The following CDH13 variants were observed in gnomAD, a reference collection of about 807,000 sequenced individuals.
CDH13 encodes cadherin 13.
Under a neutral mutation model 63.8 loss-of-function variants are expected in CDH13, and 24 were observed. The ratio of observed to expected loss-of-function variants is 0.38; its 90% CI spans 0.27 to 0.53. The LOEUF (loss-of-function observed/expected upper bound fraction) is 0.53. CDH13 is among the 20% of genes least tolerant of loss of function. The pLI, the probability that CDH13 is intolerant of heterozygous loss-of-function variation, is 0.85. For synonymous variants in CDH13, 503 were observed against 355.3 expected (o/e 1.42, Z -4.67); for missense variants, 1,049 against 903.1 (o/e 1.16, Z -2.07).
At chr16:83,264,027 T>C (rs1052964148) in intron 5 of CDH13, among the ~76,000 whole-genome samples, 2 of 152,260 alleles carry the variant, frequency 1.3e-5, no homozygotes, top group Non-Finnish European at 2.9e-5. Context: ...CAACCTATTG[T>C]GGCTCTACAT....
chr16:83,493,237 A>G (rs2074059616), intron 7 of CDH13, among the ~76,000 whole-genome samples: 1 of 152,228 alleles, frequency 6.6e-6, no homozygotes, highest in South Asian at 2.1e-4. Context: ...GAGACTGAAG[A>G]AGCAGAAAGA....
intron 6 of CDH13, among the ~76,000 whole-genome samples, chr16:83,483,700 C>T (rs534686048): frequency 6.6e-6 from 1 of 152,138 alleles, no homozygotes; most frequent in East Asian, 1.9e-4. Flanking sequence ...ATGTCTTTGG[C>T]CACATGGAGC....
At chr16:83,589,233 A>G (rs1358900328) in intron 7 of CDH13, among the ~76,000 whole-genome samples, 3 of 98,774 alleles carry the variant, frequency 3.0e-5, no homozygotes, top group African/African-American at 1.1e-4. Context: ...CTGTCTCCCC[A>G]TCCCCCTCCC....
At chr16:83,329,843 A>G (rs1361187065) in intron 5 of CDH13, among the ~76,000 whole-genome samples, 1 of 152,240 alleles carries the variant, frequency 6.6e-6, no homozygotes, top group African/African-American at 2.4e-5. Context: ...ATATTGTAGC[A>G]TGTATCCAAA....
chr16:82,923,712 C>A (rs921351060), intron 2 of CDH13, among the ~76,000 whole-genome samples: 1 of 152,340 alleles, frequency 6.6e-6, no homozygotes, highest in East Asian at 1.9e-4. Context: ...ACAGCTGATA[C>A]ATGCAGTGAA....
At chr16:82,909,748 CAT>C (rs1490354829) in intron 2 of CDH13, among the ~76,000 whole-genome samples, 1 of 152,102 alleles carries the variant, frequency 6.6e-6, no homozygotes, top group Non-Finnish European at 1.5e-5. Flanking sequence ...TCCCACAACA[CAT>C]GAGAATTATG....
chr16:83,013,805 C>G (rs753619190), intron 2 of CDH13, among the ~76,000 whole-genome samples: 21 of 152,114 alleles, frequency 1.4e-4, no homozygotes, highest in Non-Finnish European at 3.1e-4. Flanking sequence ...ATGGCCCGGT[C>G]TCTGCAAGAA....
chr16:83,102,784 G>A lies in CDH13; in HGVS notation c.367-22601G>A, dbSNP rs548811092. Among the ~76,000 whole-genome samples the A allele has an allele frequency of 2.0e-5, 3 of 152,092 alleles. No individual in the cohort carries two copies. In the South Asian group the frequency reaches 6.2e-4, roughly 32 times the overall value. On this transcript the variant is annotated intron_variant, in intron 3 of 13. Coordinates refer to ENST00000567109, the MANE Select transcript of CDH13 (RefSeq NM_001257.5). ...GTGGGAATTGGATAAGGGTAAGAGGGTAAGAAATAGTTATATTGTGAATGT... is the reference window on the plus strand; with the variant it reads ...GTGGGAATTGGATAAGGGTAAGAGGATAAGAAATAGTTATATTGTGAATGT...
rs1393596308 is a variant in CDH13, at chr16:83,759,665, C to A, written c.1681+11415C>A. 2.0e-5 allele frequency among the ~76,000 whole-genome samples: 3 copies of A among 151,986 alleles called. No homozygotes were observed. The East Asian group carries it at 5.8e-4, about 29-fold the overall frequency. ...TGCAGGCCTGGTACAGTGGCTCATG[C>A]CCTATAATCCCAGCACCTTGGGAAG... On this transcript the variant is annotated intron_variant, in intron 11 of 13. Transcript: ENST00000567109.
At chr16:82,715,475 G>A (rs759902281) in intron 1 of CDH13, among the ~76,000 whole-genome samples, 13 of 152,154 alleles carry the variant, frequency 8.5e-5, no homozygotes, top group African/African-American at 2.4e-5. Context: ...TACGTGCGAT[G>A]CTGCCTAAGA....
chr16:82,841,817 C>T (rs932681506), intron 1 of CDH13, among the ~76,000 whole-genome samples: 13 of 151,926 alleles, frequency 8.6e-5, no homozygotes, highest in Non-Finnish European at 1.8e-4. Flanking sequence ...ACTGGAATAC[C>T]TACTGTGCTG....
chr16:82,674,944 C>T (rs547585867), intron 1 of CDH13, among the ~76,000 whole-genome samples: 1 of 152,256 alleles, frequency 6.6e-6, no homozygotes, highest in East Asian at 1.9e-4. Context: ...TATCAAAAAG[C>T]TATAATCTGT....
intron 2 of CDH13, among the ~76,000 whole-genome samples, chr16:83,011,386 A>G (rs1914137064): frequency 6.6e-6 from 1 of 152,222 alleles, no homozygotes; most frequent in Admixed American, 6.5e-5. Context: ...CCTCATGAGC[A>G]CATTCAATCC....
At chr16:82,681,240 C>A (rs1242111533) in intron 1 of CDH13, among the ~76,000 whole-genome samples, 1 of 152,184 alleles carries the variant, frequency 6.6e-6, no homozygotes, top group Admixed American at 6.5e-5. Context: ...AAACCTGATG[C>A]CGGTGGCAAC....
At chr16:83,742,894 T>C (rs1296617287) in intron 10 of CDH13, among the ~76,000 whole-genome samples, 2 of 152,166 alleles carry the variant, frequency 1.3e-5, no homozygotes, top group Non-Finnish European at 1.5e-5. Flanking sequence ...AGGTCTCCCA[T>C]GGGAGGAGGC....
At chr16:83,649,832 C>T (rs1309696552) in intron 8 of CDH13, among the ~76,000 whole-genome samples, 3 of 152,178 alleles carry the variant, frequency 2.0e-5, no homozygotes, top group Non-Finnish European at 4.4e-5. Flanking sequence ...TGCTGAAGCA[C>T]CCAGCCACCT....
At chr16:83,274,415 C>G (rs1026187089) in intron 5 of CDH13, among the ~76,000 whole-genome samples, 1 of 152,158 alleles carries the variant, frequency 6.6e-6, no homozygotes, top group Non-Finnish European at 1.5e-5. Context: ...TGAGTGATCC[C>G]TTGCCTCCCT....
intron 8 of CDH13, 92 bp downstream of exon 8, chr16:83,602,686 C>T: frequency 7.5e-7 from 1 of 1,328,298 alleles, no homozygotes; most frequent in Non-Finnish European, 1.1e-6. Flanking sequence ...CCTGCTGGCC[C>T]CCCTTTCAAA....
At chr16:83,123,313 C>G (rs1409306521) in intron 3 of CDH13, among the ~76,000 whole-genome samples, 2 of 151,784 alleles carry the variant, frequency 1.3e-5, no homozygotes, top group East Asian at 1.9e-4. Context: ...GATTTTCACT[C>G]TTGTTGCCCA....
Sources: allele counts gnomAD v4.1 joint callset (sites outside exome capture counted in the v4.1 genomes callset), GRCh38; gene constraint gnomAD v4.1.1; transcripts MANE v1.5; gene names NCBI Gene and HGNC (gene_info 2026-07-23, HGNC 2026-07-21).